Variants in TRDMT1 observed in about 807,000 individuals in gnomAD.
TRDMT1 encodes tRNA (cytosine(38)-C(5))-methyltransferase.
In TRDMT1, 49 loss-of-function variants were observed where a neutral mutation model predicts 51.2. The ratio of observed to expected loss-of-function variants is 0.96; its 90% CI spans 0.76 to 1.21. The LOEUF is 1.21. Ranked by LOEUF, TRDMT1 falls within the 50% of genes most tolerant of loss-of-function variation. The pLI, the probability that TRDMT1 is intolerant of heterozygous loss-of-function variation, is 0.00. For synonymous variants in TRDMT1, 187 were observed against 164.6 expected, an observed-to-expected ratio of 1.14 and a Z score of -1.04; for missense variants, 534 against 462.3, an observed-to-expected ratio of 1.16 and a Z score of -1.42.
chr10:17,151,173 A>C, intron 10 of TRDMT1: 1 of 782,344 alleles, frequency 1.3e-6, no homozygotes, highest in Non-Finnish European at 1.6e-6. Context: ...TTGCCACTGA[A>C]AGTGATGGCA....
At chr10:17,167,127 T>C (rs1005635802) in intron 3 of TRDMT1, among the ~76,000 whole-genome samples, 4 of 152,216 alleles carry the variant, frequency 2.6e-5, no homozygotes, top group Non-Finnish European at 5.9e-5. Context: ...CCATTCCCAT[T>C]AGACTATGAG....
At chr10:17,161,569 G>T (rs1406922785) in intron 4 of TRDMT1, 21 bp from the exon 5 acceptor site, 1 of 1,183,232 alleles carries the variant, frequency 8.5e-7, no homozygotes, top group Non-Finnish European at 1.2e-6. Flanking sequence ...ATAAACAAAT[G>T]GAATTCTAAA....
At position 17,153,559 on chromosome 10, in the gene TRDMT1, T is replaced by C. The variant is rs770692226; in HGVS notation, c.1023A>G (p.Arg341=). Residue 341 remains arginine, a synonymous_variant, in exon 10 of 11, where the codon CGA becomes CGG. Transcript: ENST00000377799. ...TTGCTATTTCTTTAGGAGTGAAATA[T>C]CGCAGTTTAAGTATTAACAGCTTTG... is the stretch of plus-strand genomic sequence containing the variant. ...QITKLLILKL[R]YFTPKEIANL... The C allele has an allele frequency of 4.0e-5, 65 of 1,613,938 alleles. No homozygotes were observed. The East Asian group carries it at 4.2e-4, about 11-fold the overall frequency.
chr10:17,201,534 G>C, intron 1 of TRDMT1, 37 bp downstream of exon 1: 1 of 1,539,002 alleles, frequency 6.5e-7, no homozygotes, highest in South Asian at 1.2e-5. Flanking sequence ...CAGCCCCCGT[G>C]AGCGAATAGA....
At position 17,157,899 on chromosome 10, in the gene TRDMT1, T is replaced by C. The variant is rs1839785743; in HGVS notation, c.544-115A>G. Reference sequence around the variant, plus strand: ...CTCATTAGCCTTTATGGGGTTGCCATTAAAAGATAGAAATTGTGGTTTACT... The same window carrying C: ...CTCATTAGCCTTTATGGGGTTGCCACTAAAAGATAGAAATTGTGGTTTACT... On this transcript the variant is annotated intron_variant, in intron 7 of 10. Coordinates refer to ENST00000377799, the MANE Select transcript of TRDMT1 (RefSeq NM_004412.7). The C allele has an allele frequency of 3.9e-6, 3 of 762,146 alleles. No individual in the cohort carries two copies. The African/African-American group carries it at 5.3e-5, about 13-fold the overall frequency. The allele number at this position is 762,146 out of a possible 1,614,324, so 47.2% of individuals were successfully genotyped here. A position where few individuals can be genotyped will look rare whatever the true frequency, so the allele number is the denominator to read the frequency against.
rs1171529343 is a variant in TRDMT1, at chr10:17,144,718, G to A, written c.*4322C>T. ...GTGATGGAGTTTGGATCTTGATTGT[G>A]TAAGATTTTGAAGAGCATGAGTACC... On this transcript the variant is annotated 3_prime_UTR_variant, in exon 11 of 11. Transcript: ENST00000377799. 2 of 985,238 alleles carry A rather than the reference G, an allele frequency of 2.0e-6. No individual in the cohort carries two copies. The highest frequency in any genetic ancestry group is 1.7e-5 in the African/African-American group (1 of 57,228). 61.0% of individuals were successfully genotyped at this position (985,238 alleles called of 1,614,324 possible). A position where few individuals can be genotyped will look rare whatever the true frequency, so the allele number is the denominator to read the frequency against.
At chr10:17,153,803 T>C (rs1839115946) in intron 9 of TRDMT1, among the ~76,000 whole-genome samples, 167 bp from the exon 10 acceptor site, 1 of 152,096 alleles carries the variant, frequency 6.6e-6, no homozygotes, top group Non-Finnish European at 1.5e-5. Context: ...ATTGGCTCAA[T>C]AAGGGCAATG....
At chr10:17,168,057 C>T (rs1841450314) in intron 3 of TRDMT1, among the ~76,000 whole-genome samples, 1 of 152,056 alleles carries the variant, frequency 6.6e-6, no homozygotes, top group South Asian at 2.1e-4. Context: ...AATCCCAGCA[C>T]TTTGGGAGGT....
rs779054180 is a variant in TRDMT1 at position 17,143,740 on chromosome 10, G to A, written c.*5300C>T. 376 of 985,280 alleles carry A rather than the reference G, an allele frequency of 3.8e-4. No homozygotes were observed. The highest frequency in any genetic ancestry group is 4.4e-4 in the Non-Finnish European group (366 of 829,928). The allele number at this position is 985,280 out of a possible 1,614,324, so 61.0% of individuals were successfully genotyped here. The stretch of plus-strand genomic sequence containing the variant: ...ATCGTTCAGAGGCCTGCCTTAGGAA[G>A]GCCATTTTAACAGAAGCTGACCAAT... On this transcript the variant is annotated 3_prime_UTR_variant, in exon 11 of 11. Transcript: ENST00000377799.
chr10:17,148,433 T>A lies in TRDMT1; in HGVS notation c.*607A>T. 4.1e-6 allele frequency: 4 copies of A among 985,436 alleles called. No individual in the cohort carries two copies. Among genetic ancestry groups the A allele is most frequent in the Non-Finnish European group, 4.8e-6 (4 of 829,936 alleles). The allele number at this position is 985,436 out of a possible 1,614,324, so 61.0% of individuals were successfully genotyped here. A position where few individuals can be genotyped will look rare whatever the true frequency, so the allele number is the denominator to read the frequency against. On this transcript the variant is annotated 3_prime_UTR_variant, in exon 11 of 11. Coordinates refer to ENST00000377799, the MANE Select transcript of TRDMT1 (RefSeq NM_004412.7). ...TAGAGGCTGAGGAAAATGTAGATAA[T>A]GTGCACCAACAGTTTCTGTGGCCGC...
At chr10:17,170,772 T>C (rs1841863768) in intron 2 of TRDMT1, among the ~76,000 whole-genome samples, 1 of 152,166 alleles carries the variant, frequency 6.6e-6, no homozygotes, top group African/African-American at 2.4e-5. Flanking sequence ...CAGATTCTTG[T>C]GTTGTTACTA....
At chr10:17,153,453 G>A in intron 10 of TRDMT1, 54 bp downstream of exon 10, 1 of 1,601,616 alleles carries the variant, frequency 6.2e-7, no homozygotes. Flanking sequence ...AGTCCCTAAA[G>A]ATTTTTGAGA....
rs751495256 is a variant in TRDMT1 at position 17,143,658 on chromosome 10, A to G, written c.*5382T>C. On this transcript the variant is annotated 3_prime_UTR_variant, in exon 11 of 11. Transcript: ENST00000377799. The stretch of plus-strand genomic sequence containing the variant: ...AGCACACAAATATGATTGCAAATAT[A>G]TGTGTGGGTGTTTTTAAATCTCAGT... 4.9e-4 allele frequency: 482 copies of G among 985,330 alleles called. No individual in the cohort carries two copies. The highest frequency in any genetic ancestry group is 5.5e-4 in the Non-Finnish European group (460 of 829,934). The allele number at this position is 985,330 out of a possible 1,614,324, so 61.0% of individuals were successfully genotyped here. A position where few individuals can be genotyped will look rare whatever the true frequency, so the allele number is the denominator to read the frequency against.
intron 3 of TRDMT1, among the ~76,000 whole-genome samples, chr10:17,168,524 T>C (rs890047035): frequency 1.3e-5 from 2 of 152,140 alleles, no homozygotes; most frequent in Admixed American, 6.6e-5. Context: ...TTTCCACGTG[T>C]TGTGGGACGG....
intron 1 of TRDMT1, among the ~76,000 whole-genome samples, chr10:17,195,850 T>A (rs1407955626): frequency 6.6e-6 from 1 of 152,184 alleles, no homozygotes; most frequent in Non-Finnish European, 1.5e-5. Flanking sequence ...TGCTTCACTT[T>A]AAATATGACT....
At chr10:17,164,252 A>T (rs1398011574) in intron 3 of TRDMT1, among the ~76,000 whole-genome samples, 6 of 152,216 alleles carry the variant, frequency 3.9e-5, no homozygotes, top group Non-Finnish European at 8.8e-5. Flanking sequence ...ATATAAACAG[A>T]ACCAACGACA....
Position 17,147,461 on chromosome 10 carries a change from T to G in TRDMT1, c.*1579A>C. On this transcript the variant is annotated 3_prime_UTR_variant, in exon 11 of 11. Transcript: ENST00000377799. Reference sequence around the variant, plus strand: ...AATATACAGTTGCAGTGGCATTAAGTACACTCACACTGTTGTGCAACCATC... The same window carrying G: ...AATATACAGTTGCAGTGGCATTAAGGACACTCACACTGTTGTGCAACCATC... The G allele has an allele frequency of 1.7e-6, 1 of 581,448 alleles. No homozygotes were observed. The highest frequency in any genetic ancestry group is 2.2e-6 in the Non-Finnish European group (1 of 461,248). The allele number at this position is 581,448 out of a possible 1,614,324, so 36.0% of individuals were successfully genotyped here.
rs751000354 is a variant in TRDMT1, at chr10:17,140,716, T to C, written c.*8324A>G. On this transcript the variant is annotated 3_prime_UTR_variant, in exon 11 of 11. Transcript: ENST00000377799. The stretch of plus-strand genomic sequence containing the variant: ...ATGATAAAACTAATATTATGCCACA[T>C]TGATGAAAACAAAAACAACAAAAAA... 9.2e-5 allele frequency among the ~76,000 whole-genome samples: 9 copies of C among 97,690 alleles called. No homozygotes were observed. Among genetic ancestry groups the C allele is most frequent in the African/African-American group, 1.6e-4 (4 of 25,312 alleles). 64.1% of individuals were successfully genotyped at this position (97,690 alleles called of 152,430 possible).
chr10:17,164,553 C>G (rs1238155518), intron 3 of TRDMT1, among the ~76,000 whole-genome samples: 1 of 152,072 alleles, frequency 6.6e-6, no homozygotes, highest in African/African-American at 2.4e-5. Context: ...AAAGGGCATT[C>G]AGTTAGGAAA....
Sources: allele counts gnomAD v4.1 joint callset (sites outside exome capture counted in the v4.1 genomes callset), GRCh38; gene constraint gnomAD v4.1.1; transcripts MANE v1.5; gene names NCBI Gene and HGNC (gene_info 2026-07-23, HGNC 2026-07-21).